MROH1: variants seen among roughly 807,000 people sequenced by gnomAD.
The protein encoded by MROH1 is maestro heat-like repeat-containing protein family member 1.
Under a neutral mutation model 116.5 loss-of-function variants are expected in MROH1, and 117 were observed. The observed-to-expected ratio is 1.00, with a 90% CI of 0.86 to 1.17. The LOEUF (loss-of-function observed/expected upper bound fraction) is 1.17, where lower values mean the gene tolerates loss of function less well. MROH1 is among the 50% of genes most tolerant of loss of function. MROH1 has a pLI of 0.00. For missense variants in MROH1, 1,873 were observed against 1,338.5 expected (o/e 1.40, Z -6.23); for synonymous variants, 921 against 583.9 (o/e 1.58, Z -8.32).
chr8:144,151,854 C>T (rs1041590845), intron 1 of MROH1, among the ~76,000 whole-genome samples: 12,994 of 152,264 alleles, frequency 0.085, 1,854 homozygotes, highest in African/African-American at 0.29. Flanking sequence ...CGCCCTGCGA[C>T]GGGGACAAGG....
chr8:144,255,042 G>A, intron 34 of MROH1, 64 bp downstream of exon 34: 3 of 689,870 alleles, frequency 4.3e-6, no homozygotes, highest in Non-Finnish European at 8.0e-6. Context: ...GGGTGCCCGG[G>A]GGCAGGCCTT....
intron 4 of MROH1, chr8:144,175,039 A>G (rs909018862): frequency 2.5e-5 from 25 of 985,310 alleles, no homozygotes; most frequent in Non-Finnish European, 2.9e-5. Context: ...CCTCATATAC[A>G]TGAAGAGAAT....
At chr8:144,256,944 G>C (rs1843961308) in intron 35 of MROH1, among the ~76,000 whole-genome samples, 1 of 152,204 alleles carries the variant, frequency 6.6e-6, no homozygotes, top group Non-Finnish European at 1.5e-5. Flanking sequence ...TGTGGAGCTG[G>C]AGGCAGAGCT....
Position 144,179,589 on chromosome 8 carries a change from A to ATTC in MROH1, c.300+4_300+6dup. The ATTC allele has an allele frequency of 6.2e-7, 1 of 1,605,996 alleles. No individual in the cohort carries two copies. Among genetic ancestry groups the ATTC allele is most frequent in the African/African-American group, 1.3e-5 (1 of 74,888 alleles). ...CCAGCGAGATGACCAAGACGAAGGT[A>ATTC]TTCAGCAGGCCCTCTGGCCTCGCAG... On this transcript the variant is annotated splice_donor_region_variant and intron_variant, in intron 5 of 43. Coordinates refer to ENST00000326134, the MANE Select transcript of MROH1 (RefSeq NM_032450.3).
intron 12 of MROH1, among the ~76,000 whole-genome samples, chr8:144,218,005 T>C (rs60610738): frequency 0.4 from 52,134 of 130,372 alleles, 9,971 homozygotes; most frequent in Admixed American, 0.46. Context: ...GCTGCGTTAG[T>C]GGCCCAGGAT....
At chr8:144,254,754 C>T (rs1347572400) in intron 33 of MROH1, 59 bp from the exon 34 acceptor site, 56 of 722,576 alleles carry the variant, frequency 7.8e-5, no homozygotes, top group Admixed American at 4.2e-4. Context: ...ACCCAGGTGG[C>T]GGGGGGCAGG....
chr8:144,239,542 C>G, intron 17 of MROH1, 72 bp from the exon 18 acceptor site: 1 of 760,928 alleles, frequency 1.3e-6, no homozygotes, highest in Non-Finnish European at 2.4e-6. Context: ...GTGATGTGGT[C>G]CTGCAGGTGC....
intron 29 of MROH1, among the ~76,000 whole-genome samples, chr8:144,247,053 G>A (rs1239682958): frequency 2.0e-5 from 3 of 152,222 alleles, no homozygotes; most frequent in South Asian, 2.1e-4. Flanking sequence ...GTAGGGGCCC[G>A]GCCTGGGAGC....
Position 144,258,885 on chromosome 8 carries a change from G to A in MROH1, c.3900G>A (p.Gly1300=). ...GGWELLRTSA[G]HEEGATRLAR... is the part of the protein sequence containing the mutation. ...GGGAACTGCTCAGGACCTCGGCGGG[G>A]CATGAGGAGGGGGCCACCAGGTTGG... is the stretch of plus-strand genomic sequence containing the variant. Residue 1300 remains glycine, a synonymous_variant, in exon 36 of 44, where the codon GGG becomes GGA. Coordinates refer to ENST00000326134, the MANE Select transcript of MROH1 (RefSeq NM_032450.3). 1.3e-6 allele frequency: 1 copy of A among 762,326 alleles called. No individual in the cohort carries two copies. The highest frequency in any genetic ancestry group is 1.7e-5 in the African/African-American group (1 of 58,902). 47.2% of individuals were successfully genotyped at this position (762,326 alleles called of 1,614,324 possible).
intron 13 of MROH1, among the ~76,000 whole-genome samples, chr8:144,222,521 C>T (rs1212125223): frequency 6.6e-6 from 1 of 152,016 alleles, no homozygotes; most frequent in Non-Finnish European, 1.5e-5. Context: ...GGTACAGGTA[C>T]ATCCAGGTAC....
chr8:144,249,134 T>A (rs6998844), intron 32 of MROH1, 105 bp downstream of exon 32: 2 of 687,732 alleles, frequency 2.9e-6, no homozygotes, highest in Admixed American at 2.0e-5. Flanking sequence ...GAGGTGGCAC[T>A]GCGGGAGAAA....
chr8:144,246,903 G>A (rs1436860350), intron 29 of MROH1, among the ~76,000 whole-genome samples: 5 of 152,164 alleles, frequency 3.3e-5, no homozygotes, highest in African/African-American at 1.2e-4. Flanking sequence ...GGTGTGAGGG[G>A]GTCTTGTACA....
chr8:144,165,404 C>G (rs1820559588), intron 3 of MROH1, among the ~76,000 whole-genome samples: 1 of 152,022 alleles, frequency 6.6e-6, no homozygotes, highest in Admixed American at 6.6e-5. Context: ...CAGGCGTGAG[C>G]CACCGCGCAC....
In MROH1 at chr8:144,244,231, G is replaced by A. The variant is rs899179986; in HGVS notation, c.2565G>A (p.Glu855=). 2.5e-5 allele frequency: 18 copies of A among 717,802 alleles called. No individual in the cohort carries two copies. The African/African-American group carries it at 3.1e-4, about 13-fold the overall frequency. 44.5% of individuals were successfully genotyped at this position (717,802 alleles called of 1,614,324 possible). The change falls in exon 27 of 44, where the codon GAG becomes GAA. Residue 855 remains glutamate (E), a synonymous_variant. Transcript: ENST00000326134. ...MLTCTYLVSV[E]PALDEQARAD... ...TTAACTTGCCTCTCAGCTCCGTGGA[G>A]CCAGCGCTGGACGAGCAGGCCCGGG...
At chr8:144,200,845 C>T in intron 12 of MROH1, 1 of 357,780 alleles carries the variant, frequency 2.8e-6, no homozygotes, top group Non-Finnish European at 5.3e-6. Flanking sequence ...AGACAGCCAT[C>T]CCTGAGCCCA....
intron 12 of MROH1, among the ~76,000 whole-genome samples, chr8:144,212,777 G>A (rs1218098382): frequency 1.3e-5 from 2 of 151,778 alleles, no homozygotes; most frequent in African/African-American, 4.8e-5. Flanking sequence ...TTTTAGTACA[G>A]ATAGGGTTTC....
At chr8:144,220,854 C>T (rs1044222498) in intron 13 of MROH1, among the ~76,000 whole-genome samples, 181 bp downstream of exon 13, 1 of 152,178 alleles carries the variant, frequency 6.6e-6, no homozygotes. Flanking sequence ...TCCCACATCT[C>T]ACTCAGGAAA....
At chr8:144,172,560 T>C (rs1284958883) in intron 4 of MROH1, among the ~76,000 whole-genome samples, 2 of 152,006 alleles carry the variant, frequency 1.3e-5, no homozygotes, top group Non-Finnish European at 2.9e-5. Flanking sequence ...TACAGACGCG[T>C]GCCACCACAC....
rs1249427024 is a variant in MROH1, at chr8:144,244,542, G to T, written c.2766+3G>T. The stretch of plus-strand genomic sequence containing the variant: ...AAGGCCTGCAGATCATGATTGAGGT[G>T]TGCAGGGGGGAACTGTCATGGGGAT... On this transcript the variant is annotated splice_donor_region_variant and intron_variant, in intron 28 of 43. Transcript: ENST00000326134. 1.3e-6 allele frequency: 1 copy of T among 755,306 alleles called. No homozygotes were observed. 46.8% of individuals were successfully genotyped at this position (755,306 alleles called of 1,614,324 possible).
Sources: gnomAD v4.1 joint callset for allele counts (sites outside exome capture counted in the v4.1 genomes callset) on GRCh38, gnomAD v4.1.1 for gene constraint, MANE v1.5 for transcripts, NCBI Gene and HGNC (gene_info 2026-07-23, HGNC 2026-07-21) for gene names.